Variants in GRM7 observed in about 807,000 individuals in gnomAD.
GRM7 encodes the protein glutamate metabotropic receptor 7, also known as metabotropic glutamate receptor 7.
A neutral mutation model predicts 84.5 loss-of-function variants in GRM7; 35 were observed. The ratio of observed to expected loss-of-function variants is 0.41; its 90% CI spans 0.32 to 0.55. The LOEUF (loss-of-function observed/expected upper bound fraction) is 0.55. GRM7 is among the 20% of genes least tolerant of loss of function. The pLI is 0.19. For synonymous variants in GRM7, 487 were observed against 455.1 expected, an observed-to-expected ratio of 1.07 and a Z score of -0.89; for missense variants, 1,003 against 1,194.6, an observed-to-expected ratio of 0.84 and a Z score of 2.36.
At chr3:7,088,857 A>C (rs1698557715) in intron 1 of GRM7, among the ~76,000 whole-genome samples, 1 of 151,534 alleles carries the variant, frequency 6.6e-6, no homozygotes, top group South Asian at 2.1e-4. Flanking sequence ...TTTAGTTAGA[A>C]CTTTTCTAAA....
chr3:7,359,321 A>G (rs114915117), intron 4 of GRM7, among the ~76,000 whole-genome samples: 2,118 of 113,624 alleles, frequency 0.019, 230 homozygotes, highest in African/African-American at 0.075. Context: ...AATCCTATTC[A>G]CCCCTCCTCC....
chr3:6,936,405 C>T (rs1203336310), intron 1 of GRM7, among the ~76,000 whole-genome samples: 2 of 152,176 alleles, frequency 1.3e-5, no homozygotes, highest in Non-Finnish European at 2.9e-5. Context: ...ACCACAGAAA[C>T]TTCTGTGTTA....
intron 2 of GRM7, among the ~76,000 whole-genome samples, chr3:7,266,771 AC>A (rs1261012766): frequency 6.6e-6 from 1 of 152,206 alleles, no homozygotes; most frequent in African/African-American, 2.4e-5. Flanking sequence ...ATGTACTTGA[AC>A]CTAAACTTAC....
intron 1 of GRM7, among the ~76,000 whole-genome samples, chr3:6,944,122 A>C (rs1170189717): frequency 2.0e-5 from 3 of 152,034 alleles, no homozygotes; most frequent in African/African-American, 7.2e-5. Flanking sequence ...TACCGTCTTC[A>C]AATAAAGACA....
At chr3:7,428,707 AG>A (rs1418186349) in intron 5 of GRM7, among the ~76,000 whole-genome samples, 2 of 152,128 alleles carry the variant, frequency 1.3e-5, no homozygotes, top group African/African-American at 2.4e-5. Flanking sequence ...TCAGCACAAA[AG>A]GGGAGAACTT....
intron 2 of GRM7, among the ~76,000 whole-genome samples, chr3:7,213,575 G>A (rs928774252): frequency 1.3e-5 from 2 of 152,192 alleles, no homozygotes; most frequent in African/African-American, 2.4e-5. Context: ...TGTATATACA[G>A]GAGGTTTACT....
chr3:7,200,314 T>TA (rs1553630853), intron 2 of GRM7, among the ~76,000 whole-genome samples: 5 of 152,236 alleles, frequency 3.3e-5, no homozygotes, highest in Non-Finnish European at 7.3e-5. Flanking sequence ...ATTCAAATCA[T>TA]AGCACCTTTA....
chr3:7,216,239 A>G (rs1439149524), intron 2 of GRM7, among the ~76,000 whole-genome samples: 1 of 152,222 alleles, frequency 6.6e-6, no homozygotes, highest in African/African-American at 2.4e-5. Context: ...GAAGCTGCAG[A>G]AAGCAAAATA....
chr3:6,984,985 A>G (rs1437287745), intron 1 of GRM7, among the ~76,000 whole-genome samples: 1 of 152,216 alleles, frequency 6.6e-6, no homozygotes, highest in African/African-American at 2.4e-5. Flanking sequence ...TCAGCGTCAG[A>G]CAGAGCACCG....
chr3:7,186,812 A>G (rs557028391), intron 2 of GRM7, among the ~76,000 whole-genome samples: 16 of 152,108 alleles, frequency 1.1e-4, no homozygotes, highest in African/African-American at 3.4e-4. Context: ...TTAGTCTTCT[A>G]TTGTTAGTAA....
chr3:7,357,089 C>T (rs1367715863), intron 4 of GRM7, among the ~76,000 whole-genome samples: 2 of 150,734 alleles, frequency 1.3e-5, no homozygotes, highest in Admixed American at 6.6e-5. Context: ...CTCTAGAGAA[C>T]CCTGACTTAT....
At chr3:7,295,229 G>A (rs981581358) in intron 2 of GRM7, among the ~76,000 whole-genome samples, 2 of 151,958 alleles carry the variant, frequency 1.3e-5, no homozygotes, top group Non-Finnish European at 2.9e-5. Context: ...AATTATTTTG[G>A]CATCATTTGT....
intron 4 of GRM7, among the ~76,000 whole-genome samples, chr3:7,319,247 A>G (rs1201010156): frequency 6.6e-6 from 1 of 152,046 alleles, no homozygotes; most frequent in Non-Finnish European, 1.5e-5. Context: ...GCATTAGCTG[A>G]AAAAAGTAGG....
In GRM7 at chr3:7,722,727, C is replaced by T. The variant is rs1466692732; in HGVS notation, c.2699-17630C>T. Reference sequence around the variant, plus strand: ...AAAATGTTGGGATTACAGGTGTGAGCCACCACGCCCGGCCCCTTGTGTTTT... The same window carrying T: ...AAAATGTTGGGATTACAGGTGTGAGTCACCACGCCCGGCCCCTTGTGTTTT... On this transcript the variant is annotated intron_variant, in intron 9 of 9. Coordinates refer to ENST00000357716, the MANE Select transcript of GRM7 (RefSeq NM_000844.4). 2.0e-5 allele frequency among the ~76,000 whole-genome samples: 3 copies of T among 152,270 alleles called. No homozygotes were observed. In the East Asian group the frequency reaches 5.8e-4, roughly 29 times the overall value.
At chr3:7,386,797 T>C (rs1344053817) in intron 4 of GRM7, among the ~76,000 whole-genome samples, 3 of 152,204 alleles carry the variant, frequency 2.0e-5, no homozygotes, top group Non-Finnish European at 4.4e-5. Flanking sequence ...TAATTGGGAC[T>C]ATTTGGTCAA....
chr3:7,329,102 G>A (rs9811489), intron 4 of GRM7, among the ~76,000 whole-genome samples: 66,132 of 151,370 alleles, frequency 0.44, 14,549 homozygotes, highest in Middle Eastern at 0.49. Context: ...TGACATTAGT[G>A]TTAATCATAA....
At position 6,921,113 on chromosome 3, in the gene GRM7, T is replaced by C. The variant is rs187719103; in HGVS notation, c.519+59206T>C. Among the ~76,000 whole-genome samples the C allele has an allele frequency of 3.1e-3, 474 of 152,326 alleles. 8 individuals carry two copies. The highest frequency in any genetic ancestry group is 0.011 in the African/African-American group (451 of 41,560). ...AAGTCTGTTCCTTCAGCAAATGTAT[T>C]AGTCCATGCTGCATCCCCACTTTGG... On this transcript the variant is annotated intron_variant, in intron 1 of 9. Coordinates refer to ENST00000357716, the MANE Select transcript of GRM7 (RefSeq NM_000844.4).
At chr3:7,170,041 CT>C (rs1469868228) in intron 2 of GRM7, among the ~76,000 whole-genome samples, 1 of 152,162 alleles carries the variant, frequency 6.6e-6, no homozygotes, top group Admixed American at 6.5e-5. Flanking sequence ...GAGGCAGAGC[CT>C]AATAATTTGC....
intron 8 of GRM7, among the ~76,000 whole-genome samples, chr3:7,650,216 T>C (rs1480448624): frequency 1.3e-5 from 2 of 152,196 alleles, no homozygotes; most frequent in Non-Finnish European, 2.9e-5. Flanking sequence ...TATAAGCCCA[T>C]GAGCTACAGA....
Sources: gnomAD v4.1 joint callset for allele counts (sites outside exome capture counted in the v4.1 genomes callset) on GRCh38, gnomAD v4.1.1 for gene constraint, MANE v1.5 for transcripts, NCBI Gene and HGNC (gene_info 2026-07-23, HGNC 2026-07-21) for gene names.